The following ABCB11 variants were observed in gnomAD, a reference collection of about 807,000 sequenced individuals.
ABCB11 encodes the protein ATP binding cassette subfamily B member 11, also known as bile salt export pump.
Under a neutral mutation model 148.0 loss-of-function variants are expected in ABCB11, and 95 were observed. The observed-to-expected ratio is 0.64, with a 90% CI of 0.54 to 0.76. ABCB11 has a LOEUF of 0.76. Ranked by LOEUF, ABCB11 falls within the 30% of genes least tolerant of loss-of-function variation. The pLI is 0.00. For synonymous variants in ABCB11, 591 were observed against 555.4 expected, an observed-to-expected ratio of 1.06 and a Z score of -0.90; for missense variants, 1,523 against 1,617.8, an observed-to-expected ratio of 0.94 and a Z score of 1.01.
At chr2:169,025,806 T>C (rs572907240) in intron 1 of ABCB11, among the ~76,000 whole-genome samples, 1 of 152,220 alleles carries the variant, frequency 6.6e-6, no homozygotes, top group Non-Finnish European at 1.5e-5. Flanking sequence ...AGAATACATC[T>C]GTAGCTAAAC....
intron 5 of ABCB11, among the ~76,000 whole-genome samples, chr2:169,003,918 G>A (rs1427983692): frequency 6.6e-6 from 1 of 152,158 alleles, no homozygotes; most frequent in Non-Finnish European, 1.5e-5. Flanking sequence ...GAAGTTAAGT[G>A]CCATTGGATA....
intron 17 of ABCB11, 78 bp downstream of exon 17, chr2:168,968,349 T>G: frequency 2.2e-6 from 3 of 1,341,918 alleles, no homozygotes; most frequent in Middle Eastern, 1.8e-4. Flanking sequence ...ACCTGAGATA[T>G]TCTCTGAGGA....
chr2:169,003,680 T>C (rs571014024), intron 5 of ABCB11, among the ~76,000 whole-genome samples: 123 of 152,262 alleles, frequency 8.1e-4, no homozygotes, highest in Admixed American at 3.3e-3. Flanking sequence ...CTGTTTTCCA[T>C]AGTGGTTGTA....
intron 1 of ABCB11, among the ~76,000 whole-genome samples, chr2:169,020,452 T>C (rs962747759): frequency 4.0e-5 from 6 of 150,560 alleles, no homozygotes; most frequent in African/African-American, 1.5e-4. Context: ...CCAACAAAAG[T>C]TAAAAAAAAC....
At chr2:169,005,498 C>T (rs1694991911) in intron 5 of ABCB11, among the ~76,000 whole-genome samples, 1 of 152,088 alleles carries the variant, frequency 6.6e-6, no homozygotes, top group Admixed American at 6.5e-5. Flanking sequence ...AGTTACAGGC[C>T]TTAACCTGCT....
rs1009110241 is a variant in ABCB11, at chr2:168,932,195, T to C, written c.3213+182A>G. ...CCTGACAGGCCCCGGTGTGTGATGT[T>C]CCCCACCCTGTGTCCATGTGTTCTG... On this transcript the variant is annotated intron_variant, in intron 24 of 27. Transcript: ENST00000650372. 2.0e-5 allele frequency among the ~76,000 whole-genome samples: 3 copies of C among 152,096 alleles called. No individual in the cohort carries two copies. In the South Asian group the frequency reaches 6.2e-4, roughly 32 times the overall value.
At chr2:168,962,578 C>T (rs1693124449) in intron 18 of ABCB11, among the ~76,000 whole-genome samples, 2 of 151,566 alleles carry the variant, frequency 1.3e-5, no homozygotes. Context: ...TCCATCCTTT[C>T]TTACTTTTAC....
chr2:168,937,773 G>A (rs565412), intron 21 of ABCB11, among the ~76,000 whole-genome samples: 72,755 of 152,094 alleles, frequency 0.48, 17,806 homozygotes, highest in African/African-American at 0.56. Flanking sequence ...TAGCCTGCTC[G>A]TTGGTACAAA....
intron 17 of ABCB11, among the ~76,000 whole-genome samples, chr2:168,964,624 T>C (rs1693219466): frequency 6.6e-6 from 1 of 151,766 alleles, no homozygotes; most frequent in Non-Finnish European, 1.5e-5. Flanking sequence ...GCTCAAATAC[T>C]TTCCAAACCC....
intron 10 of ABCB11, 131 bp from the exon 11 acceptor site, chr2:168,980,110 C>A: frequency 1.9e-6 from 1 of 533,940 alleles, no homozygotes; most frequent in Admixed American, 3.1e-5. Flanking sequence ...AAAGCTAGCT[C>A]TTTGGCTGTT....
chr2:168,953,185 T>C (rs2105926462), intron 19 of ABCB11, among the ~76,000 whole-genome samples: 1 of 151,730 alleles, frequency 6.6e-6, no homozygotes, highest in Non-Finnish European at 1.5e-5. Flanking sequence ...CATTCTGTAG[T>C]TGTTGGGTAG....
chr2:168,946,585 GATAA>G (rs1485284637), intron 19 of ABCB11, among the ~76,000 whole-genome samples: 1 of 151,612 alleles, frequency 6.6e-6, no homozygotes, highest in African/African-American at 2.4e-5. Flanking sequence ...AAAATTTAAA[GATAA>G]ATATTTTTAA....
At chr2:168,979,672 CAAAAAAA>C (rs55859131) in intron 11 of ABCB11, among the ~76,000 whole-genome samples, 187 bp downstream of exon 11, 12 of 100,146 alleles carry the variant, frequency 1.2e-4, no homozygotes, top group African/African-American at 3.8e-4. Context: ...AACTCCATCT[CAAAAAAA>C]AAAAAAAAAA....
chr2:168,927,405 C>A, intron 25 of ABCB11, 43 bp from the exon 26 acceptor site: 1 of 1,532,538 alleles, frequency 6.5e-7, no homozygotes, highest in Non-Finnish European at 9.0e-7. Flanking sequence ...TTTTAGAATT[C>A]CAGCAGTGAG....
chr2:168,972,045 G>T lies in ABCB11; in HGVS notation c.1440C>A (p.Thr480=). 6.2e-7 allele frequency: 1 copy of T among 1,612,142 alleles called. No homozygotes were observed. The part of the protein sequence containing the change: ...RFYDPCEGMV[T]VDGHDIRSLN... Reference sequence around the variant, plus strand: ...GAGAGCGAATGTCATGGCCATCCACGGTCACCTAGAGAGCATGGGCACAAC... The same window carrying T: ...GAGAGCGAATGTCATGGCCATCCACTGTCACCTAGAGAGCATGGGCACAAC... The change falls in exon 14 of 28, where the codon ACC becomes ACA. Residue 480 remains threonine, a synonymous_variant. Coordinates refer to ENST00000650372, the MANE Select transcript of ABCB11 (RefSeq NM_003742.4).
chr2:168,979,932 A>G lies in ABCB11; in HGVS notation c.1131T>C (p.Ser377=), dbSNP rs2105984744. 6.2e-7 allele frequency: 1 copy of G among 1,611,624 alleles called. No individual in the cohort carries two copies. The highest frequency in any genetic ancestry group is 1.1e-5 in the South Asian group (1 of 91,054). ...IVGALNLGNA[S]PCLEAFATGR... ...CAGTTGCAAAGGCTTCCAAACAAGG[A>G]GAGGCATTGCCAAGATTTAAAGCTC... Residue 377 remains serine (S), a synonymous_variant, in exon 11 of 28, where the codon TCT becomes TCC. Coordinates refer to ENST00000650372, the MANE Select transcript of ABCB11 (RefSeq NM_003742.4).
At chr2:169,027,419 G>A (rs773741674) in intron 1 of ABCB11, among the ~76,000 whole-genome samples, 1 of 152,134 alleles carries the variant, frequency 6.6e-6, no homozygotes, top group Non-Finnish European at 1.5e-5. Context: ...AACTATTCAG[G>A]GTTGAAGTTT....
intron 19 of ABCB11, among the ~76,000 whole-genome samples, chr2:168,946,096 A>G (rs1244307486): frequency 6.6e-6 from 1 of 151,954 alleles, no homozygotes; most frequent in Non-Finnish European, 1.5e-5. Context: ...TACTCCAATG[A>G]CATTGCCTTG....
chr2:168,995,221 T>C (rs1694675158), intron 7 of ABCB11, 128 bp downstream of exon 7: 1 of 1,120,142 alleles, frequency 8.9e-7, no homozygotes. Flanking sequence ...ATGCCACATA[T>C]GAAAGCCCAA....
Sources: allele counts gnomAD v4.1 joint callset (sites outside exome capture counted in the v4.1 genomes callset), GRCh38; gene constraint gnomAD v4.1.1; transcripts MANE v1.5; gene names NCBI Gene and HGNC (gene_info 2026-07-23, HGNC 2026-07-21).